The following KCNH5 variants were observed in gnomAD, a reference collection of about 807,000 sequenced individuals.
KCNH5 encodes potassium voltage-gated channel subfamily H member 5.
KCNH5 carries 46 observed loss-of-function variants against 96.1 expected under a neutral mutation model. The ratio of observed to expected loss-of-function variants is 0.48; its 90% CI spans 0.38 to 0.61. KCNH5 has a LOEUF of 0.61. Among genes scored for constraint, KCNH5 ranks in the 20% least tolerant of loss-of-function variants. The probability of loss-of-function intolerance (pLI) is 0.00; values close to 1 mark genes in which losing one functional copy is unlikely to be tolerated. For missense variants in KCNH5, 907 were observed against 1,225.8 expected (o/e 0.74, Z 3.88); for synonymous variants, 439 against 449.8 (o/e 0.98, Z 0.30).
chr14:62,744,997 G>C (rs1448524941), intron 10 of KCNH5, among the ~76,000 whole-genome samples: 3 of 152,182 alleles, frequency 2.0e-5, no homozygotes, highest in African/African-American at 7.2e-5. Flanking sequence ...TAACCAGGGA[G>C]ATTATAAAGG....
intron 7 of KCNH5, among the ~76,000 whole-genome samples, chr14:62,908,410 C>T (rs1284103010): frequency 6.6e-6 from 1 of 152,170 alleles, no homozygotes; most frequent in Non-Finnish European, 1.5e-5. Context: ...AAAAGAGCCT[C>T]CCTGGCCAAG....
In KCNH5 at chr14:62,868,649, AC is replaced by A. The variant is rs543187677; in HGVS notation, c.1370-18798del. 2.5e-3 allele frequency among the ~76,000 whole-genome samples: 375 copies of A among 152,136 alleles called. 3 individuals carry two copies. Among genetic ancestry groups the A allele is most frequent in the Non-Finnish European group, 4.3e-3 (292 of 67,982 alleles). On this transcript the variant is annotated intron_variant, in intron 7 of 10. Transcript: ENST00000322893. ...TACACGTGCCATAGTGATTTGCTGC[AC>A]CCATCAACCTGTTATCTACATGTTA...
intron 7 of KCNH5, among the ~76,000 whole-genome samples, chr14:62,924,046 G>A (rs1595686458): frequency 1.3e-5 from 2 of 152,098 alleles, no homozygotes; most frequent in East Asian, 3.9e-4. Flanking sequence ...TACAGAATGG[G>A]AGGAAATATT....
At chr14:62,871,818 G>C (rs562975065) in intron 7 of KCNH5, among the ~76,000 whole-genome samples, 6 of 152,098 alleles carry the variant, frequency 3.9e-5, no homozygotes, top group Admixed American at 1.3e-4. Context: ...ATTGGTTTAG[G>C]GTGGCTCTGC....
At position 62,779,792 on chromosome 14, in the gene KCNH5, A is replaced by G; in HGVS notation, c.1955T>C (p.Phe652Ser). ...GAAGGAGTTTGCAAAAGCTGTATAA[A>G]AGTCCAGGACTTTGAGCAAGGCTTC... ...KREALLKVLD[F>S]YTAFANSFSR... is the part of the protein sequence containing the mutation. Residue 652 changes from phenylalanine (F) to serine (S), a missense_variant, in exon 10 of 11, where the codon TTT (phenylalanine) becomes TCT (serine). Physicochemically the swap from Phe to Ser is radical, Grantham distance 155. Coordinates refer to ENST00000322893, the MANE Select transcript of KCNH5 (RefSeq NM_139318.5). The G allele has an allele frequency of 5.0e-6, 8 of 1,614,028 alleles. No homozygotes were observed. Among genetic ancestry groups the G allele is most frequent in the Non-Finnish European group, 6.8e-6 (8 of 1,179,936 alleles).
chr14:63,023,880 G>A (rs1310529170), intron 1 of KCNH5, among the ~76,000 whole-genome samples: 2 of 152,086 alleles, frequency 1.3e-5, no homozygotes, highest in Non-Finnish European at 2.9e-5. Context: ...AGGAACCAAT[G>A]GGTCAAGGAA....
intron 10 of KCNH5, among the ~76,000 whole-genome samples, chr14:62,734,686 A>C (rs1423963335): frequency 6.6e-6 from 1 of 152,094 alleles, no homozygotes; most frequent in Non-Finnish European, 1.5e-5. Flanking sequence ...AAGAATTTAA[A>C]ATTTTATATT....
chr14:62,896,641 C>T (rs940081397), intron 7 of KCNH5, among the ~76,000 whole-genome samples: 3 of 152,164 alleles, frequency 2.0e-5, no homozygotes, highest in Admixed American at 1.3e-4. Flanking sequence ...TGCTATCTGA[C>T]ATATGGAGTA....
At chr14:62,853,456 C>CATATATATATATATATATATAT (rs61444088) in intron 7 of KCNH5, among the ~76,000 whole-genome samples, 5 of 93,290 alleles carry the variant, frequency 5.4e-5, no homozygotes, top group Admixed American at 1.0e-4. Flanking sequence ...AAAGAATAAT[C>CATATATATATATATATATATAT]ATATATATAT....
At chr14:62,890,422 G>A (rs1365619617) in intron 7 of KCNH5, among the ~76,000 whole-genome samples, 1 of 151,908 alleles carries the variant, frequency 6.6e-6, no homozygotes, top group African/African-American at 2.4e-5. Flanking sequence ...AGGGCCGGGC[G>A]CGGTGGCTCA....
intron 6 of KCNH5, among the ~76,000 whole-genome samples, chr14:62,972,393 C>T (rs967070521): frequency 2.0e-5 from 3 of 152,154 alleles, no homozygotes; most frequent in Admixed American, 6.5e-5. Context: ...TCTCATTCAT[C>T]GCTGATGGGA....
chr14:62,776,212 A>G (rs1021761312), intron 10 of KCNH5, among the ~76,000 whole-genome samples: 1 of 151,998 alleles, frequency 6.6e-6, no homozygotes, highest in South Asian at 2.1e-4. Context: ...GGTTGCAGTG[A>G]GTCGAGATCG....
At chr14:63,040,733 T>C (rs1049418466) in intron 1 of KCNH5, among the ~76,000 whole-genome samples, 1 of 152,124 alleles carries the variant, frequency 6.6e-6, no homozygotes. Context: ...TCCTCTCTTA[T>C]AGGTTTCTTT....
chr14:63,011,083 T>A (rs149330721), intron 2 of KCNH5, among the ~76,000 whole-genome samples: 8 of 151,998 alleles, frequency 5.3e-5, no homozygotes, highest in Non-Finnish European at 8.8e-5. Flanking sequence ...GCCACAACCA[T>A]AGAATCATAA....
rs143123435 is a variant in KCNH5, at chr14:62,882,100, T to TAAAAA, written c.1370-32253_1370-32249dup. On this transcript the variant is annotated intron_variant, in intron 7 of 10. Transcript: ENST00000322893. Reference sequence around the variant, plus strand: ...GCTAACATAGAGAAACCCCATTTCTTAAAAAAAAAAAAAAAAAAAAAAAAA... The same window carrying TAAAAA: ...GCTAACATAGAGAAACCCCATTTCTTAAAAAAAAAAAAAAAAAAAAAAAAAAAAAA... Among the ~76,000 whole-genome samples, 54 of 76,656 alleles carry TAAAAA rather than the reference T, an allele frequency of 7.0e-4. 1 individual carries two copies. Among genetic ancestry groups the TAAAAA allele is most frequent in the South Asian group, 3.8e-3 (7 of 1,846 alleles). The allele number at this position is 76,656 out of a possible 152,430, so 50.3% of individuals were successfully genotyped here. A position where few individuals can be genotyped will look rare whatever the true frequency, so the allele number is the denominator to read the frequency against.
At position 62,707,550 on chromosome 14, in the gene KCNH5, C is replaced by A; in HGVS notation, c.2925G>T (p.Arg975Ser). ...CTTTGTCAGATTCAGGTGATTCAGG[C>A]CTTGAGACACTAAAAATATCCTGAC... ...IPCQDIFSVS[R>S]PESPESDKDE... The change falls in exon 11 of 11, where the codon AGG (arginine) becomes AGT (serine). Residue 975 changes from arginine (R) to serine (S), a missense_variant. This residue lies in a region of KCNH5 where 362 missense variants were observed against 394.4 expected (regional missense o/e 0.92). Coordinates refer to ENST00000322893, the MANE Select transcript of KCNH5 (RefSeq NM_139318.5). 1.3e-6 allele frequency: 2 copies of A among 1,498,902 alleles called. No homozygotes were observed. Among genetic ancestry groups the A allele is most frequent in the Non-Finnish European group, 1.8e-6 (2 of 1,124,100 alleles). The allele number at this position is 1,498,902 out of a possible 1,614,324, so 92.9% of individuals were successfully genotyped here. A position where few individuals can be genotyped will look rare whatever the true frequency, so the allele number is the denominator to read the frequency against.
chr14:62,921,672 C>CA (rs1248619067), intron 7 of KCNH5, among the ~76,000 whole-genome samples: 2 of 152,002 alleles, frequency 1.3e-5, no homozygotes, highest in Non-Finnish European at 2.9e-5. Flanking sequence ...GAAATCAGAG[C>CA]AAAAAACACC....
At chr14:62,711,166 G>A (rs1884558585) in intron 10 of KCNH5, among the ~76,000 whole-genome samples, 1 of 152,244 alleles carries the variant, frequency 6.6e-6, no homozygotes, top group African/African-American at 2.4e-5. Flanking sequence ...ACTGTAACAT[G>A]TCCATGTAAA....
At chr14:62,734,708 T>A (rs1349799218) in intron 10 of KCNH5, among the ~76,000 whole-genome samples, 4 of 152,146 alleles carry the variant, frequency 2.6e-5, no homozygotes, top group African/African-American at 9.7e-5. Flanking sequence ...AAATTACCTA[T>A]TAGCATCTCT....
Sources: allele counts gnomAD v4.1 joint callset (sites outside exome capture counted in the v4.1 genomes callset), GRCh38; gene constraint gnomAD v4.1.1; regional missense constraint gnomAD v4.1.1; transcripts MANE v1.5; gene names NCBI Gene and HGNC (gene_info 2026-07-23, HGNC 2026-07-21).